Variants in MTUS2 observed in about 807,000 individuals in gnomAD.
The protein encoded by MTUS2 is microtubule associated scaffold protein 2, also known as microtubule-associated tumor suppressor candidate 2.
Under a neutral mutation model 114.1 loss-of-function variants are expected in MTUS2, and 40 were observed. The observed-to-expected ratio is 0.35, with a 90% confidence interval of 0.27 to 0.46. The LOEUF is 0.46. Among genes scored for constraint, MTUS2 ranks in the 20% least tolerant of loss-of-function variants. The pLI, the probability that MTUS2 is intolerant of heterozygous loss-of-function variation, is 1.00. For synonymous variants in MTUS2, 688 were observed against 672.0 expected, an observed-to-expected ratio of 1.02 and a Z score of -0.37; for missense variants, 1,679 against 1,705.4, an observed-to-expected ratio of 0.98 and a Z score of 0.27.
At chr13:29,031,222 C>G (rs949962853) in intron 3 of MTUS2, among the ~76,000 whole-genome samples, 2 of 48,628 alleles carry the variant, frequency 4.1e-5, no homozygotes, top group African/African-American at 6.6e-5. Flanking sequence ...GTTTGCCAGA[C>G]AAATAGAACT....
chr13:29,437,972 C>T (rs1219678967), intron 8 of MTUS2, among the ~76,000 whole-genome samples: 1 of 150,506 alleles, frequency 6.6e-6, no homozygotes, highest in Non-Finnish European at 1.5e-5. Context: ...AAGTATAAGA[C>T]TGATATGCAA....
chr13:28,880,865 C>G (rs1045562344), intron 2 of MTUS2, among the ~76,000 whole-genome samples: 8 of 152,006 alleles, frequency 5.3e-5, no homozygotes, highest in Admixed American at 5.2e-4. Flanking sequence ...AGGTGGAGTT[C>G]TAGAATAGAT....
intron 5 of MTUS2, among the ~76,000 whole-genome samples, chr13:29,218,074 G>A (rs1895751882): frequency 6.6e-6 from 1 of 151,750 alleles, no homozygotes; most frequent in African/African-American, 2.4e-5. Context: ...TTATGATTGT[G>A]CCGTCATACT....
intron 2 of MTUS2, among the ~76,000 whole-genome samples, chr13:28,926,546 G>C (rs142869350): frequency 6.6e-6 from 1 of 152,068 alleles, no homozygotes; most frequent in Non-Finnish European, 1.5e-5. Context: ...TAAATTCCCC[G>C]TCACGTTTTA....
intron 11 of MTUS2, among the ~76,000 whole-genome samples, chr13:29,488,904 T>C (rs1439923752): frequency 6.6e-6 from 1 of 152,252 alleles, no homozygotes; most frequent in East Asian, 1.9e-4. Context: ...CATTTTACAC[T>C]TTCACATGCA....
chr13:29,058,588 TA>T lies in MTUS2; in HGVS notation c.2446+24464del, dbSNP rs1197226356. Among the ~76,000 whole-genome samples, 30 of 148,790 alleles carry T rather than the reference TA, an allele frequency of 2.0e-4. No homozygotes were observed. The East Asian group carries it at 3.7e-3, about 18-fold the overall frequency. The stretch of plus-strand genomic sequence containing the variant: ...ATGCTTTTTTTTTTTTTTTAATTAT[TA>T]TTTTTTTATTTTTTTATTATACTTT... On this transcript the variant is annotated intron_variant, in intron 4 of 15. Coordinates refer to ENST00000612955, the MANE Select transcript of MTUS2 (RefSeq NM_001033602.4).
chr13:29,470,548 C>T (rs1014898258), intron 9 of MTUS2, among the ~76,000 whole-genome samples: 3 of 152,248 alleles, frequency 2.0e-5, no homozygotes, highest in Non-Finnish European at 1.5e-5. Flanking sequence ...ACATTCTCCT[C>T]ACTGATTGCC....
At chr13:28,933,155 ACACACACAGATT>A (rs765066949) in intron 2 of MTUS2, among the ~76,000 whole-genome samples, 3,371 of 148,392 alleles carry the variant, frequency 0.023, 59 homozygotes, top group Middle Eastern at 0.042. Flanking sequence ...ACACACACAC[ACACACACAGATT>A]GATTGATCTG....
At chr13:28,838,676 C>T (rs1875259564) in intron 1 of MTUS2, among the ~76,000 whole-genome samples, 1 of 152,174 alleles carries the variant, frequency 6.6e-6, no homozygotes, top group Non-Finnish European at 1.5e-5. Flanking sequence ...CTCCCTCTCA[C>T]CTTTTTGTCT....
chr13:29,229,120 C>A (rs1251443801), intron 5 of MTUS2, among the ~76,000 whole-genome samples: 1 of 152,076 alleles, frequency 6.6e-6, no homozygotes, highest in Non-Finnish European at 1.5e-5. Flanking sequence ...GACTTTGATA[C>A]CTTGATTCTG....
intron 2 of MTUS2, among the ~76,000 whole-genome samples, chr13:28,872,347 T>C (rs1378031083): frequency 6.6e-6 from 1 of 152,134 alleles, no homozygotes; most frequent in African/African-American, 2.4e-5. Flanking sequence ...TTTTACTTCA[T>C]TGGGGGAATA....
At chr13:28,924,953 A>G (rs1246800624) in intron 2 of MTUS2, among the ~76,000 whole-genome samples, 1 of 151,808 alleles carries the variant, frequency 6.6e-6, no homozygotes, top group Non-Finnish European at 1.5e-5. Flanking sequence ...CCAGCATCAA[A>G]TTCGTCTTGT....
chr13:29,126,755 C>T (rs1434296408), intron 5 of MTUS2, among the ~76,000 whole-genome samples: 2 of 152,132 alleles, frequency 1.3e-5, no homozygotes, highest in African/African-American at 4.8e-5. Flanking sequence ...CTACTTCATC[C>T]TACAACCTGA....
intron 2 of MTUS2, among the ~76,000 whole-genome samples, chr13:28,848,462 A>G (rs775699730): frequency 1.3e-5 from 2 of 152,124 alleles, no homozygotes; most frequent in Non-Finnish European, 2.9e-5. Flanking sequence ...CCTAAGAATG[A>G]TAATAGTCAA....
At chr13:28,831,229 C>G (rs1190218231) in intron 1 of MTUS2, among the ~76,000 whole-genome samples, 1 of 151,960 alleles carries the variant, frequency 6.6e-6, no homozygotes, top group East Asian at 1.9e-4. Context: ...AGTGGAGGAA[C>G]AAAAAGACAT....
chr13:28,986,377 A>G (rs879520816), intron 2 of MTUS2, among the ~76,000 whole-genome samples: 4 of 152,164 alleles, frequency 2.6e-5, no homozygotes, highest in Admixed American at 1.3e-4. Context: ...TCCCTGATGC[A>G]TACACTAGGT....
At chr13:29,464,331 A>T (rs1879737204) in intron 9 of MTUS2, among the ~76,000 whole-genome samples, 1 of 152,274 alleles carries the variant, frequency 6.6e-6, no homozygotes, top group Admixed American at 6.5e-5. Context: ...CCTCGGACCC[A>T]AGTGTGAACA....
chr13:28,987,337 C>T (rs938861602), intron 2 of MTUS2, among the ~76,000 whole-genome samples: 1 of 152,164 alleles, frequency 6.6e-6, no homozygotes, highest in Admixed American at 6.5e-5. Flanking sequence ...ACAGAGAGAT[C>T]GAGTCGCATT....
chr13:29,494,749 T>C (rs1882413893), intron 12 of MTUS2, among the ~76,000 whole-genome samples: 1 of 152,026 alleles, frequency 6.6e-6, no homozygotes, highest in Non-Finnish European at 1.5e-5. Context: ...AAAAATAAAA[T>C]GGAAGTAGGC....
Sources: gnomAD v4.1 joint callset for allele counts (sites outside exome capture counted in the v4.1 genomes callset) on GRCh38, gnomAD v4.1.1 for gene constraint, MANE v1.5 for transcripts, NCBI Gene and HGNC (gene_info 2026-07-23, HGNC 2026-07-21) for gene names.